The following ACOT7 variants were observed in gnomAD, a reference collection of about 807,000 sequenced individuals.
The protein encoded by ACOT7 is acyl-CoA thioesterase 7.
ACOT7 carries 12 observed loss-of-function variants against 40.2 expected under a neutral mutation model. The ratio of observed to expected loss-of-function variants is 0.30; its 90% CI spans 0.19 to 0.48. The LOEUF is 0.48. Among genes scored for constraint, ACOT7 ranks in the 20% least tolerant of loss-of-function variants. The pLI is 0.99. For missense variants in ACOT7, 395 were observed against 530.8 expected, an observed-to-expected ratio of 0.74 and a Z score of 2.51; for synonymous variants, 228 against 219.5, an observed-to-expected ratio of 1.04 and a Z score of -0.34.
intron 1 of ACOT7, among the ~76,000 whole-genome samples, chr1:6,356,104 C>T (rs755541646): frequency 4.6e-5 from 7 of 152,156 alleles, no homozygotes; most frequent in South Asian, 4.1e-4. Flanking sequence ...ATGAGGTCGC[C>T]GTGCCTTAGG....
At chr1:6,328,785 C>T (rs1311581973) in intron 4 of ACOT7, among the ~76,000 whole-genome samples, 1 of 152,266 alleles carries the variant, frequency 6.6e-6, no homozygotes, top group South Asian at 2.1e-4. Flanking sequence ...TTGGACGTAA[C>T]AGACGGTTCA....
chr1:6,371,507 CAA>C (rs1642133575), intron 1 of ACOT7, among the ~76,000 whole-genome samples: 2 of 151,938 alleles, frequency 1.3e-5, no homozygotes, highest in Admixed American at 6.6e-5. Flanking sequence ...GGACTACAGG[CAA>C]GTGCCACCAC....
At chr1:6,334,150 C>T (rs995182919) in intron 3 of ACOT7, among the ~76,000 whole-genome samples, 32 of 152,216 alleles carry the variant, frequency 2.1e-4, no homozygotes, top group African/African-American at 7.0e-4. Flanking sequence ...TGCAGGCAGA[C>T]GCCCTTCGTT....
At chr1:6,327,456 C>T in intron 4 of ACOT7, 43 bp from the exon 5 acceptor site, 2 of 1,589,524 alleles carry the variant, frequency 1.3e-6, no homozygotes, top group Non-Finnish European at 8.6e-7. Context: ...CAGGACACGG[C>T]CTCCTCCCCT....
At chr1:6,346,275 T>A (rs1013193073) in intron 2 of ACOT7, among the ~76,000 whole-genome samples, 1 of 152,200 alleles carries the variant, frequency 6.6e-6, no homozygotes. Context: ...CTAATTTTTG[T>A]AGTTTTTGTA....
At chr1:6,361,031 A>G (rs1356397392) in intron 1 of ACOT7, among the ~76,000 whole-genome samples, 1 of 152,254 alleles carries the variant, frequency 6.6e-6, no homozygotes, top group Non-Finnish European at 1.5e-5. Flanking sequence ...CGAGATGTCT[A>G]GAAATGTTCA....
intron 3 of ACOT7, among the ~76,000 whole-genome samples, chr1:6,337,997 T>G (rs1641152210): frequency 1.1e-5 from 1 of 91,082 alleles, no homozygotes. Context: ...TGAGACACCA[T>G]CTCAAAAAAA....
chr1:6,389,559 T>G (rs1642499514), intron 1 of ACOT7, among the ~76,000 whole-genome samples: 2 of 151,932 alleles, frequency 1.3e-5, no homozygotes, highest in Admixed American at 6.6e-5. Context: ...TTGATGCAAT[T>G]AAAAATTCTG....
rs990611618 is a variant in ACOT7 at position 6,330,862 on chromosome 1, T to C, written c.510+2615A>G. Among the ~76,000 whole-genome samples, 1 of 152,330 alleles carries C rather than the reference T, an allele frequency of 6.6e-6. No homozygotes were observed. The highest frequency in any genetic ancestry group is 2.4e-5 in the African/African-American group (1 of 41,574). ...CACCCGCCTGAGATGCACCATCAGA[T>C]GCTGAAGCCAGGCATGGGGCCTGGG... is the stretch of plus-strand genomic sequence containing the variant. On this transcript the variant is annotated intron_variant, in intron 4 of 8. Transcript: ENST00000361521. This position sits in a 1 kb window ranked among gnomAD's most constrained non-coding sequence, Gnocchi z 4.6.
At chr1:6,268,199 CGTATCCTGGAAGTG>C (rs1638908195) in intron 8 of ACOT7, among the ~76,000 whole-genome samples, 1 of 152,040 alleles carries the variant, frequency 6.6e-6, no homozygotes, top group Non-Finnish European at 1.5e-5. Context: ...CCTGCTGAAT[CGTATCCTGGAAGTG>C]GGTGAACAGA....
chr1:6,311,465 C>T lies in ACOT7; in HGVS notation c.712+7027G>A, dbSNP rs774673552. 5.9e-5 allele frequency among the ~76,000 whole-genome samples: 9 copies of T among 152,276 alleles called. No homozygotes were observed. Among genetic ancestry groups the T allele is most frequent in the Non-Finnish European group, 1.2e-4 (8 of 68,016 alleles). On this transcript the variant is annotated intron_variant, in intron 6 of 8. Coordinates refer to ENST00000361521, the MANE Select transcript of ACOT7 (RefSeq NM_007274.4). The surrounding 1 kb of genome is among the most constrained non-coding windows in gnomAD (Gnocchi z 5.2). ...GTTGGGGGTGCCAGCCGGGTCAGTT[C>T]CCCCAACAAAACCGGTCCAGGGCAG...
At chr1:6,312,545 G>A (rs918655589) in intron 6 of ACOT7, among the ~76,000 whole-genome samples, 1 of 151,300 alleles carries the variant, frequency 6.6e-6, no homozygotes, top group Non-Finnish European at 1.5e-5. Flanking sequence ...TTGGCTCACT[G>A]TAACCCCTCC....
intron 6 of ACOT7, among the ~76,000 whole-genome samples, chr1:6,316,641 C>CT (rs1283672418): frequency 2.6e-5 from 4 of 152,210 alleles, no homozygotes; most frequent in Admixed American, 6.5e-5. Context: ...AAAACCCCAT[C>CT]TCTACTTAAA....
rs1639969291 is a variant in ACOT7, at chr1:6,301,354, G to A, written c.713-6374C>T. Among the ~76,000 whole-genome samples, 1 of 152,186 alleles carries A rather than the reference G, an allele frequency of 6.6e-6. No individual in the cohort carries two copies. The highest frequency in any genetic ancestry group is 1.5e-5 in the Non-Finnish European group (1 of 68,030). ...ACCTTGTTGGTATGAGACTCCACAA[G>A]GGACCTCATGTTACTGAAAACCGCT... On this transcript the variant is annotated intron_variant, in intron 6 of 8. Transcript: ENST00000361521. The surrounding 1 kb of genome is among the most constrained non-coding windows in gnomAD (Gnocchi z 4.1).
intron 6 of ACOT7, among the ~76,000 whole-genome samples, chr1:6,308,037 C>T (rs1341379490): frequency 2.0e-5 from 3 of 149,754 alleles, no homozygotes; most frequent in Non-Finnish European, 3.0e-5. Context: ...CAGAGGGAAC[C>T]GCAACAGGCA....
At chr1:6,320,042 A>G (rs1222802207) in intron 5 of ACOT7, among the ~76,000 whole-genome samples, 1 of 152,142 alleles carries the variant, frequency 6.6e-6, no homozygotes, top group Non-Finnish European at 1.5e-5. Flanking sequence ...GGAGGAAGGG[A>G]GGTTCTGGAG....
intron 1 of ACOT7, chr1:6,385,955 A>C (rs1571358355): frequency 1.4e-6 from 1 of 695,248 alleles, no homozygotes; most frequent in Non-Finnish European, 2.2e-6. Context: ...CAGGGCCACC[A>C]CCCCTCTGCG....
In ACOT7 at chr1:6,294,901, G is replaced by T; in HGVS notation, c.792C>A (p.Ser264=). The change falls in exon 7 of 9, where the codon TCC becomes TCA. Residue 264 remains serine (S), a synonymous_variant. Transcript: ENST00000361521. This position sits in a 1 kb window ranked among gnomAD's most constrained non-coding sequence, Gnocchi z 4.6. ...RHCKTNIVTA[S]VDAINFHDKI... Reference sequence around the variant, plus strand: ...TGTCATGAAAATTAATGGCGTCCACGGAAGCTGTGACGATGTTGGTCTTGC... The same window carrying T: ...TGTCATGAAAATTAATGGCGTCCACTGAAGCTGTGACGATGTTGGTCTTGC... 6.2e-7 allele frequency: 1 copy of T among 1,614,102 alleles called. No individual in the cohort carries two copies. The highest frequency in any genetic ancestry group is 2.2e-5 in the East Asian group (1 of 44,874).
At chr1:6,305,444 CG>C (rs1317652066) in intron 6 of ACOT7, among the ~76,000 whole-genome samples, 1 of 151,524 alleles carries the variant, frequency 6.6e-6, no homozygotes. Flanking sequence ...GGGTGGCTGC[CG>C]GGTGGAGACG....
Sources: allele counts gnomAD v4.1 joint callset (sites outside exome capture counted in the v4.1 genomes callset), GRCh38; gene constraint gnomAD v4.1.1; non-coding constraint Gnocchi (gnomAD v3.1); transcripts MANE v1.5; gene names NCBI Gene and HGNC (gene_info 2026-07-23, HGNC 2026-07-21).